ZFAT: variants seen among roughly 807,000 people sequenced by gnomAD.
ZFAT encodes zinc finger protein ZFAT.
A neutral mutation model predicts 117.7 loss-of-function variants in ZFAT; 64 were observed. The observed-to-expected ratio is 0.54, with a 90% CI of 0.44 to 0.67. ZFAT has a LOEUF of 0.67. ZFAT is among the 30% of genes least tolerant of loss of function. ZFAT has a pLI of 0.00. For synonymous variants in ZFAT, 679 were observed against 615.0 expected (o/e 1.10, Z -1.54); for missense variants, 1,433 against 1,584.5 (o/e 0.90, Z 1.62).
intron 1 of ZFAT, among the ~76,000 whole-genome samples, chr8:134,666,111 G>A (rs1832202732): frequency 6.6e-6 from 1 of 152,190 alleles, no homozygotes; most frequent in African/African-American, 2.4e-5. Context: ...AGGCCCCATG[G>A]AGGGTAGTAC....
the ZFAT span, among the ~76,000 whole-genome samples, chr8:134,830,729 T>C: frequency 6.6e-6 from 1 of 152,228 alleles, no homozygotes; most frequent in Non-Finnish European, 1.5e-5. Context: ...TGGGATAATG[T>C]TTATGCTAGA....
At chr8:134,780,004 T>TC in the ZFAT span, among the ~76,000 whole-genome samples, 1 of 152,100 alleles carries the variant, frequency 6.6e-6, no homozygotes, top group Non-Finnish European at 1.5e-5. Flanking sequence ...CCCATCTCCC[T>TC]CCCTCCAATA....
intron 1 of ZFAT, among the ~76,000 whole-genome samples, chr8:134,686,106 T>C (rs1833310769): frequency 6.6e-6 from 1 of 152,240 alleles, no homozygotes; most frequent in African/African-American, 2.4e-5. Flanking sequence ...TCAGGTGCCC[T>C]GGCCAGCCCC....
At chr8:134,637,842 C>A (rs1339450244) in intron 2 of ZFAT, 130 bp from the exon 3 acceptor site, 8 of 1,233,218 alleles carry the variant, frequency 6.5e-6, no homozygotes, top group Non-Finnish European at 3.3e-6. Flanking sequence ...AAAGTGATTC[C>A]AGACATTAAC....
chr8:134,655,788 C>T (rs372040192), intron 2 of ZFAT, among the ~76,000 whole-genome samples: 23 of 152,358 alleles, frequency 1.5e-4, no homozygotes, highest in African/African-American at 5.0e-4. Flanking sequence ...ATCCACATGG[C>T]TTCGATCTGC....
In ZFAT at chr8:134,478,089, T is replaced by G. The variant is rs1198009329; in HGVS notation, c.*393A>C. On this transcript the variant is annotated 3_prime_UTR_variant, in exon 16 of 16. Coordinates refer to ENST00000377838, the MANE Select transcript of ZFAT (RefSeq NM_020863.4). The surrounding 1 kb of genome is among the most constrained non-coding windows in gnomAD (Gnocchi z 5.2). ...CACCAGACTGCATAGCGGTTGCAGATGAACATTTGGCACCTAGATGGGGGT... is the reference window on the plus strand; with the variant it reads ...CACCAGACTGCATAGCGGTTGCAGAGGAACATTTGGCACCTAGATGGGGGT... The G allele has an allele frequency of 8.4e-6, 2 of 238,584 alleles. No homozygotes were observed. Among genetic ancestry groups the G allele is most frequent in the African/African-American group, 2.2e-5 (1 of 45,510 alleles). The allele number at this position is 238,584 out of a possible 1,614,324, so 14.8% of individuals were successfully genotyped here. A position where few individuals can be genotyped will look rare whatever the true frequency, so the allele number is the denominator to read the frequency against.
intron 1 of ZFAT, among the ~76,000 whole-genome samples, chr8:134,687,127 G>C (rs1833360742): frequency 6.6e-6 from 1 of 152,138 alleles, no homozygotes. Flanking sequence ...TCATCTCCAA[G>C]GTGCCTCCCT....
At chr8:134,810,611 A>G in the ZFAT span, among the ~76,000 whole-genome samples, 1 of 152,208 alleles carries the variant, frequency 6.6e-6, no homozygotes, top group Non-Finnish European at 1.5e-5. Context: ...CCTTCCACTT[A>G]TAACTAGCTA....
the ZFAT span, among the ~76,000 whole-genome samples, chr8:134,729,628 A>T: frequency 6.6e-6 from 1 of 152,200 alleles, no homozygotes; most frequent in Admixed American, 6.5e-5. Context: ...CCAAGCTGTC[A>T]GGCCCCGCTT....
Position 134,493,460 on chromosome 8 carries a change from C to CA in ZFAT, c.3493-14740dup, listed in dbSNP as rs1293344258. Reference sequence around the variant, plus strand: ...CTGGCCAAACCAACTCACTGGGCAACAGAAAGAGGATGCCCATGACTAGAA... The same window carrying CA: ...CTGGCCAAACCAACTCACTGGGCAACAAGAAAGAGGATGCCCATGACTAGAA... On this transcript the variant is annotated intron_variant, in intron 15 of 15. Coordinates refer to ENST00000377838, the MANE Select transcript of ZFAT (RefSeq NM_020863.4). 1.1e-4 allele frequency among the ~76,000 whole-genome samples: 16 copies of CA among 152,334 alleles called. No individual in the cohort carries two copies. In the East Asian group the frequency reaches 2.9e-3, roughly 28 times the overall value.
intron 3 of ZFAT, among the ~76,000 whole-genome samples, chr8:134,619,676 C>A (rs569252561): frequency 1.8e-4 from 28 of 152,328 alleles, no homozygotes; most frequent in African/African-American, 6.5e-4. Context: ...TCCAACCTCA[C>A]ACAGTGGGAA....
At chr8:134,479,972 G>C (rs1267303334) in intron 15 of ZFAT, among the ~76,000 whole-genome samples, 1 of 110,254 alleles carries the variant, frequency 9.1e-6, no homozygotes, top group Non-Finnish European at 1.8e-5. Context: ...TTTTTTTTTG[G>C]AGACAAGGTC....
intron 13 of ZFAT, among the ~76,000 whole-genome samples, chr8:134,516,484 G>T (rs977650643): frequency 3.9e-5 from 6 of 152,026 alleles, no homozygotes; most frequent in African/African-American, 1.4e-4. Flanking sequence ...TCCCCTCATC[G>T]AATGTTTGGT....
intron 15 of ZFAT, among the ~76,000 whole-genome samples, chr8:134,493,122 G>A (rs1386141386): frequency 1.3e-5 from 2 of 152,208 alleles, no homozygotes; most frequent in Admixed American, 1.3e-4. Flanking sequence ...CCCATGCACA[G>A]TGCAAAGCCT....
chr8:134,497,966 T>C lies in ZFAT; in HGVS notation c.3492+11653A>G, dbSNP rs1355302138. Among the ~76,000 whole-genome samples, 5 of 144,316 alleles carry C rather than the reference T, an allele frequency of 3.5e-5. No individual in the cohort carries two copies. In the East Asian group the frequency reaches 1.1e-3, roughly 31 times the overall value. 94.7% of individuals were successfully genotyped at this position (144,316 alleles called of 152,430 possible). A position where few individuals can be genotyped will look rare whatever the true frequency, so the allele number is the denominator to read the frequency against. On this transcript the variant is annotated intron_variant, in intron 15 of 15. Transcript: ENST00000377838. The stretch of plus-strand genomic sequence containing the variant: ...CACACAGAGCCTGATTTGGTAGGGT[T>C]GGGGTGGAGCCAGGATGCCCCCGCT...
At chr8:134,743,047 G>A in the ZFAT span, among the ~76,000 whole-genome samples, 4 of 152,258 alleles carry the variant, frequency 2.6e-5, no homozygotes, top group African/African-American at 9.6e-5. Flanking sequence ...AGGTGTGAAA[G>A]AGTGACACAT....
intron 11 of ZFAT, among the ~76,000 whole-genome samples, chr8:134,538,638 A>C (rs1322747094): frequency 2.6e-5 from 4 of 151,976 alleles, no homozygotes; most frequent in African/African-American, 9.7e-5. Flanking sequence ...CTCTACTAAA[A>C]ATACAAAAAT....
At chr8:134,683,693 C>T (rs1238098219) in intron 1 of ZFAT, among the ~76,000 whole-genome samples, 2 of 152,020 alleles carry the variant, frequency 1.3e-5, no homozygotes, top group Admixed American at 6.6e-5. Context: ...ACCAAGAGCC[C>T]CCCGCCACAG....
chr8:134,640,528 C>T (rs971724535), intron 2 of ZFAT, among the ~76,000 whole-genome samples: 7 of 152,168 alleles, frequency 4.6e-5, no homozygotes, highest in Non-Finnish European at 7.4e-5. Context: ...GGAGACTCCT[C>T]GAAGGCAGAG....
Sources: gnomAD v4.1 joint callset for allele counts (sites outside exome capture counted in the v4.1 genomes callset) on GRCh38, gnomAD v4.1.1 for gene constraint, Gnocchi (gnomAD v3.1) non-coding constraint, MANE v1.5 for transcripts, NCBI Gene and HGNC (gene_info 2026-07-23, HGNC 2026-07-21) for gene names.